ZNF91: variants seen among roughly 807,000 people sequenced by gnomAD.
ZNF91 encodes zinc finger protein 91 (HPF7, HTF10).
In ZNF91, 7 loss-of-function variants were observed where a neutral mutation model predicts 12.6. That is an observed-to-expected ratio of 0.55 (90% confidence interval 0.31 to 1.04). The LOEUF (loss-of-function observed/expected upper bound fraction) is 1.04, where lower values mean the gene tolerates loss of function less well. Among genes scored for constraint, ZNF91 ranks in the 50% least tolerant of loss-of-function variants. ZNF91 has a pLI of 0.05. For synonymous variants in ZNF91, 453 were observed against 462.6 expected, an observed-to-expected ratio of 0.98 and a Z score of 0.27; for missense variants, 1,217 against 1,385.4, an observed-to-expected ratio of 0.88 and a Z score of 1.93.
At chr19:23,364,478 A>G (rs1968923613) in intron 3 of ZNF91, among the ~76,000 whole-genome samples, 1 of 152,156 alleles carries the variant, frequency 6.6e-6, no homozygotes, top group Non-Finnish European at 1.5e-5. Flanking sequence ...TTTAATATGT[A>G]TTAAGATTTA....
chr19:23,344,774 C>T (rs1368361514), intron 3 of ZNF91, among the ~76,000 whole-genome samples: 1 of 152,198 alleles, frequency 6.6e-6, no homozygotes, highest in East Asian at 1.9e-4. Flanking sequence ...ATAACTCCTC[C>T]TTCCACAGGC....
At chr19:23,350,910 T>C (rs1209649144) in intron 3 of ZNF91, among the ~76,000 whole-genome samples, 1 of 151,974 alleles carries the variant, frequency 6.6e-6, no homozygotes, top group Non-Finnish European at 1.5e-5. Context: ...TGCACCGAGA[T>C]GCTCATTAAA....
chr19:23,324,648 G>A (rs1015885119), intron 1 of ZNF91: 28 of 151,828 alleles, frequency 1.8e-4, no homozygotes, highest in Admixed American at 6.6e-5. Context: ...GCAGTGCAGT[G>A]GCACAAGATT....
chr19:23,377,791 T>C (rs1455686847), intron 1 of ZNF91, among the ~76,000 whole-genome samples: 11 of 152,332 alleles, frequency 7.2e-5, no homozygotes, highest in African/African-American at 2.6e-4. Context: ...ACTAATGCAA[T>C]GTTTATTAAG....
intron 3 of ZNF91, chr19:23,340,146 TAAC>T (rs939616110): frequency 6.6e-6 from 1 of 151,886 alleles, no homozygotes; most frequent in Non-Finnish European, 1.5e-5. Context: ...AGAAAATTAA[TAAC>T]AAATCAAATC....
At chr19:23,383,896 G>A (rs1332697711) in intron 1 of ZNF91, among the ~76,000 whole-genome samples, 1 of 152,096 alleles carries the variant, frequency 6.6e-6, no homozygotes. Flanking sequence ...TGGATCACGA[G>A]GTCAGGAGTT....
intron 3 of ZNF91, among the ~76,000 whole-genome samples, chr19:23,369,044 G>T (rs769715076): frequency 6.6e-6 from 1 of 152,004 alleles, no homozygotes; most frequent in Admixed American, 6.5e-5. Flanking sequence ...GGGCACAGTG[G>T]TTCACACCTT....
At chr19:23,317,305 C>T (rs1967586928) in intron 1 of ZNF91, among the ~76,000 whole-genome samples, 1 of 152,112 alleles carries the variant, frequency 6.6e-6, no homozygotes, top group African/African-American at 2.4e-5. Flanking sequence ...GCCTCGGCCT[C>T]CCAAAGTGCT....
chr19:23,348,323 C>T (rs553734724), intron 3 of ZNF91, among the ~76,000 whole-genome samples: 7 of 152,230 alleles, frequency 4.6e-5, no homozygotes, highest in East Asian at 1.9e-4. Context: ...CAGCTGAAGC[C>T]GTGGCAGAAG....
Position 23,361,094 on chromosome 19 carries a change from G to A in ZNF91, c.1885C>T (p.Pro629Ser). ...TTGCCACATTCTTCACATTTGTAGG[G>A]TTTCTCTCCAGTGTGTATCCTCTTA... ...RHKRIHTGEK[P>S]YKCEECGKAF... Residue 629 changes from proline to serine, a missense_variant, in exon 4 of 4, where the codon CCC (proline) becomes TCC (serine). By Grantham distance (74) the Pro-to-Ser change is moderately conservative. This residue lies in a region of ZNF91 where 726 missense variants were observed against 895.5 expected (regional missense o/e 0.81). Coordinates refer to ENST00000300619, the MANE Select transcript of ZNF91 (RefSeq NM_003430.4). The A allele has an allele frequency of 6.2e-7, 1 of 1,613,730 alleles. No individual in the cohort carries two copies. The highest frequency in any genetic ancestry group is 8.5e-7 in the Non-Finnish European group (1 of 1,179,922).
rs140267492 is a variant in ZNF91 at position 23,395,401 on chromosome 19, C to G, written c.-47G>C. The G allele has an allele frequency of 1.2e-3, 1,895 of 1,607,974 alleles. 1 individual carries two copies. The highest frequency in any genetic ancestry group is 1.6e-3 in the South Asian group (141 of 90,840). On this transcript the variant is annotated 5_prime_UTR_variant, in exon 1 of 4. Coordinates refer to ENST00000300619, the MANE Select transcript of ZNF91 (RefSeq NM_003430.4). Reference sequence around the variant, plus strand: ...CCTGCAGGTCACAGGGCCACACAGGCTGGGCCTCCTGGAGCAGAGGACACA... The same window carrying G: ...CCTGCAGGTCACAGGGCCACACAGGGTGGGCCTCCTGGAGCAGAGGACACA...
At chr19:23,383,652 C>T (rs996050616) in intron 1 of ZNF91, among the ~76,000 whole-genome samples, 6 of 151,610 alleles carry the variant, frequency 4.0e-5, no homozygotes, top group African/African-American at 1.5e-4. Flanking sequence ...TGTGCCCCTG[C>T]ACTCCAGCAT....
intron 1 of ZNF91, among the ~76,000 whole-genome samples, chr19:23,375,441 G>T (rs570328926): frequency 4.6e-5 from 7 of 152,114 alleles, no homozygotes; most frequent in Non-Finnish European, 7.4e-5. Flanking sequence ...TTACAGGCAT[G>T]AGCCACCATG....
At chr19:23,373,945 C>A in intron 2 of ZNF91, 108 bp from the exon 3 acceptor site, 1 of 565,680 alleles carries the variant, frequency 1.8e-6, no homozygotes. Flanking sequence ...ATAAATTGTC[C>A]CAATATACTA....
Position 23,359,594 on chromosome 19 carries a change from T to C in ZNF91, c.3385A>G (p.Thr1129Ala), listed in dbSNP as rs1279880270. The C allele has an allele frequency of 6.2e-7, 1 of 1,614,100 alleles. No individual in the cohort carries two copies. Among genetic ancestry groups the C allele is most frequent in the East Asian group, 2.2e-5 (1 of 44,884 alleles). ...TCACATTTGTAGGGTTTCTCTCCAG[T>C]GTGAATTATCTTATGTTTAGTAAGA... ...SALTKHKIIH[T>A]GEKPYKCEKC... The change falls in exon 4 of 4, where the codon ACT becomes GCT. Residue 1129 changes from threonine to alanine, a missense_variant. Physicochemically the swap from Thr to Ala is moderately conservative, Grantham distance 58 (BLOSUM62 0). Coordinates refer to ENST00000300619, the MANE Select transcript of ZNF91 (RefSeq NM_003430.4).
intron 3 of ZNF91, among the ~76,000 whole-genome samples, chr19:23,365,821 C>G (rs572905814): frequency 6.6e-6 from 1 of 152,032 alleles, no homozygotes; most frequent in African/African-American, 2.4e-5. Flanking sequence ...CATCTTGCAC[C>G]GCCCTTAATC....
At chr19:23,393,613 T>C (rs1262436250) in intron 1 of ZNF91, among the ~76,000 whole-genome samples, 2 of 152,110 alleles carry the variant, frequency 1.3e-5, no homozygotes, top group Admixed American at 6.5e-5. Flanking sequence ...TACCATACAG[T>C]GTCAGGAGAT....
chr19:23,316,191 C>G (rs1967555261), intron 1 of ZNF91, among the ~76,000 whole-genome samples: 1 of 149,084 alleles, frequency 6.7e-6, no homozygotes, highest in Non-Finnish European at 1.5e-5. Context: ...TTGCCTGGTC[C>G]CCACATGTTT....
chr19:23,319,678 C>A (rs560595403), intron 1 of ZNF91, among the ~76,000 whole-genome samples: 1 of 152,312 alleles, frequency 6.6e-6, no homozygotes, highest in South Asian at 2.1e-4. Flanking sequence ...GGTGGTGAGG[C>A]TCTTTTGACT....
Sources: gnomAD v4.1 joint callset for allele counts (sites outside exome capture counted in the v4.1 genomes callset) on GRCh38, gnomAD v4.1.1 for gene constraint, gnomAD v4.1.1 regional missense constraint, MANE v1.5 for transcripts, NCBI Gene and HGNC (gene_info 2026-07-23, HGNC 2026-07-21) for gene names.